The following SPACA3 variants were observed in gnomAD, a reference collection of about 807,000 sequenced individuals.
SPACA3 encodes sperm acrosome membrane-associated protein 3.
SPACA3 carries 21 observed loss-of-function variants against 24.5 expected under a neutral mutation model. The observed-to-expected ratio is 0.86, with a 90% CI of 0.61 to 1.24. The LOEUF is 1.24. Among genes scored for constraint, SPACA3 ranks in the 50% most tolerant of loss-of-function variants. The pLI is 0.00. For synonymous variants in SPACA3, 115 were observed against 106.9 expected, an observed-to-expected ratio of 1.08 and a Z score of -0.47; for missense variants, 278 against 275.5, an observed-to-expected ratio of 1.01 and a Z score of -0.06.
rs115942982 is a variant in SPACA3, at chr17:32,997,566, G to A, written c.581+43G>A. 3,328 of 1,584,070 alleles carry A rather than the reference G, an allele frequency of 2.1e-3. 56 individuals are homozygous for A. The African/African-American group carries it at 0.04, about 19-fold the overall frequency. On this transcript the variant is annotated intron_variant, in intron 4 of 4. Coordinates refer to ENST00000269053, the MANE Select transcript of SPACA3 (RefSeq NM_173847.5). ...GAGCCCCGCAGCGGTGGTATGGTTA[G>A]GACTGGTGGGCAGCAGCAGGGAACA...
intron 2 of SPACA3, among the ~76,000 whole-genome samples, chr17:32,995,926 C>T (rs1023035677): frequency 1.3e-5 from 2 of 152,184 alleles, no homozygotes; most frequent in East Asian, 1.9e-4. Context: ...ATTGGAGTCA[C>T]CCCTTCATTT....
At chr17:32,995,251 T>A (rs1354104514) in intron 1 of SPACA3, among the ~76,000 whole-genome samples, 158 bp from the exon 2 acceptor site, 1 of 152,152 alleles carries the variant, frequency 6.6e-6, no homozygotes, top group African/African-American at 2.4e-5. Flanking sequence ...AGGTTAGTTT[T>A]CTTCCTGTCT....
Position 32,996,881 on chromosome 17 carries a change from G to A in SPACA3, c.382G>A (p.Ala128Thr), listed in dbSNP as rs35420663. Residue 128 changes from alanine (A) to threonine (T), a missense_variant, in exon 3 of 5, where the codon GCT (alanine) becomes ACT (threonine). Physicochemically the swap from Ala to Thr is moderately conservative, Grantham distance 58. Transcript: ENST00000269053. ...TTATTTCACAAGCGGTTTCAACGCA[G>A]CTGCTTTGGACTACGAGGCTGATGG... ...LAYFTSGFNAAALDYEADGST... is the reference protein window; with the variant it reads ...LAYFTSGFNATALDYEADGST... The A allele has an allele frequency of 3.9e-3, 6,317 of 1,608,768 alleles. 178 individuals are homozygous for A. In the African/African-American group the frequency reaches 0.062, roughly 16 times the overall value.
chr17:32,995,486 T>G lies in SPACA3; in HGVS notation c.112T>G (p.Ser38Ala), dbSNP rs1458687155. The change falls in exon 2 of 5, where the codon TCA becomes GCA. Residue 38 changes from serine (S) to alanine (A), a missense_variant. Coordinates refer to ENST00000269053, the MANE Select transcript of SPACA3 (RefSeq NM_173847.5). ...GGTGAGCTGCCTGTCATCCCAAAGCTCAGCTCTGAGCCAGAGTGGTGGTGG... is the reference window on the plus strand; with the variant it reads ...GGTGAGCTGCCTGTCATCCCAAAGCGCAGCTCTGAGCCAGAGTGGTGGTGG... Reference protein sequence around the residue: ...RLVSCLSSQSSALSQSGGGST... With the variant: ...RLVSCLSSQSAALSQSGGGST... 1.9e-6 allele frequency: 3 copies of G among 1,613,940 alleles called. No individual in the cohort carries two copies. Among genetic ancestry groups the G allele is most frequent in the Non-Finnish European group, 2.5e-6 (3 of 1,179,986 alleles).
At chr17:32,995,242 G>A (rs1043230285) in intron 1 of SPACA3, among the ~76,000 whole-genome samples, 167 bp from the exon 2 acceptor site, 2 of 152,130 alleles carry the variant, frequency 1.3e-5, no homozygotes, top group African/African-American at 4.8e-5. Context: ...GCTTACAATA[G>A]GTTAGTTTTC....
intron 2 of SPACA3, 93 bp from the exon 3 acceptor site, chr17:32,996,750 C>T (rs763752544): frequency 2.0e-4 from 263 of 1,330,202 alleles, no homozygotes; most frequent in Middle Eastern, 9.9e-4. Flanking sequence ...AGGAGAGGCT[C>T]GGTGGAGCCA....
At chr17:32,993,585 A>G (rs1598222033) in intron 1 of SPACA3, among the ~76,000 whole-genome samples, 1 of 152,100 alleles carries the variant, frequency 6.6e-6, no homozygotes, top group South Asian at 2.1e-4. Flanking sequence ...AGCTCCCATG[A>G]GACAGAGTCG....
At chr17:32,997,356 GAGAGAC>G (rs1830521292) in intron 3 of SPACA3, 83 bp from the exon 4 acceptor site, 12 of 998,996 alleles carry the variant, frequency 1.2e-5, no homozygotes, top group Non-Finnish European at 1.9e-5. Context: ...GAGAGAGAGA[GAGAGAC>G]AGACAGATAC....
intron 3 of SPACA3, 124 bp downstream of exon 3, chr17:32,997,125 G>A (rs1319247522): frequency 1.6e-5 from 18 of 1,133,106 alleles, no homozygotes; most frequent in Non-Finnish European, 1.9e-5. Context: ...CTGGGCCCAC[G>A]GAGGAGAGGG....
intron 1 of SPACA3, among the ~76,000 whole-genome samples, chr17:32,993,633 C>T (rs1209605028): frequency 6.6e-5 from 10 of 151,972 alleles, no homozygotes; most frequent in Middle Eastern, 6.8e-3. Flanking sequence ...AGTTTCAGCG[C>T]GCGGTGATGG....
At chr17:32,994,980 A>C (rs1186432528) in intron 1 of SPACA3, among the ~76,000 whole-genome samples, 1 of 152,132 alleles carries the variant, frequency 6.6e-6, no homozygotes, top group Non-Finnish European at 1.5e-5. Context: ...TGAGCGGGCT[A>C]TAGGGGAGCA....
chr17:32,995,510 G>C lies in SPACA3; in HGVS notation c.136G>C (p.Gly46Arg), dbSNP rs2091716249. 1 of 1,614,210 alleles carries C rather than the reference G, an allele frequency of 6.2e-7. No homozygotes were observed. Among genetic ancestry groups the C allele is most frequent in the Non-Finnish European group, 8.5e-7 (1 of 1,180,038 alleles). The change falls in exon 2 of 5, where the codon GGC (glycine) becomes CGC (arginine). Residue 46 changes from glycine to arginine, a missense_variant. Coordinates refer to ENST00000269053, the MANE Select transcript of SPACA3 (RefSeq NM_173847.5). ...QSSALSQSGG[G>R]STSAAGIEAR... is the part of the protein sequence containing the mutation. ...CTCAGCTCTGAGCCAGAGTGGTGGT[G>C]GCTCCACCTCTGCCGCCGGCATAGA...
intron 1 of SPACA3, chr17:32,992,813 C>T (rs774180281): frequency 9.1e-5 from 41 of 452,798 alleles, no homozygotes; most frequent in Middle Eastern, 6.8e-4. Context: ...GGGAGTGGGC[C>T]GCAGGGCTGG....
At position 32,991,968 on chromosome 17, in the gene SPACA3, G is replaced by C; in HGVS notation, c.30G>C (p.Leu10=). The C allele has an allele frequency of 6.2e-7, 1 of 1,613,896 alleles. No individual in the cohort carries two copies. The highest frequency in any genetic ancestry group is 8.5e-7 in the Non-Finnish European group (1 of 1,179,962). MVSALRGAP[L]IRVHSSPVSS... The stretch of plus-strand genomic sequence containing the variant: ...TCTCAGCTCTGCGGGGAGCACCCCT[G>C]ATCAGTGAGCCCCCTTTCCCTTCTT... Residue 10 remains leucine (L), a synonymous_variant, in exon 1 of 5, where the codon CTG becomes CTC. Transcript: ENST00000269053.
chr17:32,995,668 G>A lies in SPACA3; in HGVS notation c.294G>A (p.Val98=), dbSNP rs1010627364. ...KLYGRCELAR[V]LHDFGLDGYR... is the part of the protein sequence containing the mutation. ...ACGGTCGTTGTGAACTGGCCAGAGT[G>A]CTACATGACTTCGGGCTGGACGGAT... Residue 98 remains valine, a synonymous_variant, in exon 2 of 5, where the codon GTG becomes GTA. Coordinates refer to ENST00000269053, the MANE Select transcript of SPACA3 (RefSeq NM_173847.5). The A allele has an allele frequency of 6.2e-7, 1 of 1,614,100 alleles. No individual in the cohort carries two copies. The highest frequency in any genetic ancestry group is 1.3e-5 in the African/African-American group (1 of 74,930).
intron 3 of SPACA3, 84 bp downstream of exon 3, chr17:32,997,085 A>G (rs1459257970): frequency 7.0e-7 from 1 of 1,423,908 alleles, no homozygotes; most frequent in Non-Finnish European, 9.3e-7. Context: ...TGCTACCCCC[A>G]TCTCTGAGTG....
intron 4 of SPACA3, 92 bp downstream of exon 4, chr17:32,997,615 G>A: frequency 6.5e-7 from 1 of 1,544,016 alleles, no homozygotes; most frequent in South Asian, 1.1e-5. Flanking sequence ...CCTCACTTCT[G>A]GTTTAGAGAC....
At chr17:32,992,943 G>A (rs1256403184) in intron 1 of SPACA3, 1 of 471,078 alleles carries the variant, frequency 2.1e-6, no homozygotes, top group South Asian at 1.5e-5. Flanking sequence ...GATGTGTATA[G>A]AATAGCTTGG....
chr17:32,993,681 AG>A (rs11378543), intron 1 of SPACA3, among the ~76,000 whole-genome samples: 1,906 of 151,730 alleles, frequency 0.013, 48 homozygotes, highest in African/African-American at 0.044. Context: ...AACAAGCGGG[AG>A]GGAGAAAGTG....
Sources: allele counts gnomAD v4.1 joint callset (sites outside exome capture counted in the v4.1 genomes callset), GRCh38; gene constraint gnomAD v4.1.1; transcripts MANE v1.5; gene names NCBI Gene and HGNC (gene_info 2026-07-23, HGNC 2026-07-21).